Variants in WWP2 observed in about 807,000 individuals in gnomAD.
The protein encoded by WWP2 is NEDD4-like E3 ubiquitin-protein ligase WWP2.
WWP2 carries 57 observed loss-of-function variants against 121.0 expected under a neutral mutation model. That is an observed-to-expected ratio of 0.47 (90% CI 0.38 to 0.59). WWP2 has a LOEUF of 0.59. WWP2 is among the 20% of genes least tolerant of loss of function. WWP2 has a pLI of 0.00. For synonymous variants in WWP2, 449 were observed against 441.3 expected (o/e 1.02, Z -0.22); for missense variants, 962 against 1,158.9 (o/e 0.83, Z 2.47).
rs755020164 is a variant in WWP2 at position 69,925,562 on chromosome 16, C to A, written c.1234+78C>A. 58 of 1,543,086 alleles carry A rather than the reference C, an allele frequency of 3.8e-5. No individual in the cohort carries two copies. The highest frequency in any genetic ancestry group is 5.0e-5 in the Non-Finnish European group (57 of 1,133,612). On this transcript the variant is annotated intron_variant, in intron 11 of 23. Transcript: ENST00000359154. This position sits in a 1 kb window ranked among gnomAD's most constrained non-coding sequence, Gnocchi z 4.0. Reference sequence around the variant, plus strand: ...CTGTCCTCTCCTCCCGCGTGTCTTCCTTCCCTGTTCCTGTCCCTCTGTTTT... The same window carrying A: ...CTGTCCTCTCCTCCCGCGTGTCTTCATTCCCTGTTCCTGTCCCTCTGTTTT...
intron 7 of WWP2, among the ~76,000 whole-genome samples, chr16:69,877,741 A>G (rs1305648091): frequency 3.3e-5 from 5 of 152,094 alleles, no homozygotes; most frequent in Admixed American, 1.3e-4. Context: ...AGAGAGAGAG[A>G]GAGAGAACAG....
At chr16:69,810,825 G>A (rs1375467911) in intron 4 of WWP2, among the ~76,000 whole-genome samples, 3 of 149,170 alleles carry the variant, frequency 2.0e-5, no homozygotes, top group Non-Finnish European at 4.4e-5. Context: ...CACAATCTCC[G>A]CTCACTGCAA....
At chr16:69,808,239 A>G (rs182842134) in intron 4 of WWP2, among the ~76,000 whole-genome samples, 1 of 151,166 alleles carries the variant, frequency 6.6e-6, no homozygotes, top group Non-Finnish European at 1.5e-5. Context: ...GAGATTAAAG[A>G]TATATGACCT....
At chr16:69,784,036 A>G (rs2151789858) in intron 1 of WWP2, among the ~76,000 whole-genome samples, 1 of 151,522 alleles carries the variant, frequency 6.6e-6, no homozygotes, top group Admixed American at 6.6e-5. Flanking sequence ...GAGGTCTCCC[A>G]GACTCTTTTA....
At chr16:69,768,374 C>T (rs553581377) in intron 1 of WWP2, among the ~76,000 whole-genome samples, 2 of 152,174 alleles carry the variant, frequency 1.3e-5, no homozygotes, top group East Asian at 1.9e-4. Context: ...TTTAGGAGGC[C>T]GAGGTGGGTA....
At chr16:69,893,664 C>T (rs1009139165) in intron 8 of WWP2, among the ~76,000 whole-genome samples, 16 of 152,312 alleles carry the variant, frequency 1.1e-4, no homozygotes, top group Admixed American at 2.6e-4. Context: ...GCCTCAGCCT[C>T]CCAAGTAGCT....
Position 69,925,618 on chromosome 16 carries a change from G to A in WWP2, c.1234+134G>A, listed in dbSNP as rs1272025713. ...TCTCCCCTCTCCAGCACACTCTCTG[G>A]GCATGCCCCACCAGAGCAATTACAG... On this transcript the variant is annotated intron_variant, in intron 11 of 23. Transcript: ENST00000359154. This position sits in a 1 kb window ranked among gnomAD's most constrained non-coding sequence, Gnocchi z 4.0. The A allele has an allele frequency of 8.2e-7, 1 of 1,225,112 alleles. No homozygotes were observed. The highest frequency in any genetic ancestry group is 1.5e-5 in the African/African-American group (1 of 66,200). 75.9% of individuals were successfully genotyped at this position (1,225,112 alleles called of 1,614,324 possible).
intron 4 of WWP2, among the ~76,000 whole-genome samples, chr16:69,837,845 C>T (rs1057015854): frequency 6.6e-6 from 1 of 152,086 alleles, no homozygotes; most frequent in African/African-American, 2.4e-5. Context: ...CGTGATGGGT[C>T]TGTGGCTTAC....
intron 4 of WWP2, among the ~76,000 whole-genome samples, chr16:69,821,166 C>T (rs1195615812): frequency 6.6e-6 from 1 of 152,196 alleles, no homozygotes; most frequent in African/African-American, 2.4e-5. Flanking sequence ...CTCTGTGTGT[C>T]GCTTTCTATC....
At position 69,805,524 on chromosome 16, in the gene WWP2, C is replaced by T. The variant is rs575470088; in HGVS notation, c.340+6229C>T. Among the ~76,000 whole-genome samples, 3 of 151,814 alleles carry T rather than the reference C, an allele frequency of 2.0e-5. No homozygotes were observed. In the South Asian group the frequency reaches 6.2e-4, roughly 32 times the overall value. On this transcript the variant is annotated intron_variant, in intron 4 of 23. Coordinates refer to ENST00000359154, the MANE Select transcript of WWP2 (RefSeq NM_001270454.2). ...TTAGTAACCTTTTTGCTTTCTTCTT[C>T]TTTTTTTATTTTATTTTTTGGCACC...
At chr16:69,826,059 G>A (rs1171127982) in intron 4 of WWP2, among the ~76,000 whole-genome samples, 1 of 151,626 alleles carries the variant, frequency 6.6e-6, no homozygotes, top group Non-Finnish European at 1.5e-5. Flanking sequence ...CTGAGGTCAG[G>A]AGTTTGAGAC....
At chr16:69,905,353 A>C (rs775228063) in intron 8 of WWP2, among the ~76,000 whole-genome samples, 21 of 152,114 alleles carry the variant, frequency 1.4e-4, no homozygotes, top group Non-Finnish European at 2.9e-4. Context: ...TAGTGGTGCA[A>C]AATGTGTACC....
intron 10 of WWP2, among the ~76,000 whole-genome samples, chr16:69,918,678 C>A (rs1179269368): frequency 6.6e-6 from 1 of 152,194 alleles, no homozygotes; most frequent in Non-Finnish European, 1.5e-5. Context: ...CTAGAGCAGC[C>A]TCTAAATTGT....
intron 6 of WWP2, among the ~76,000 whole-genome samples, chr16:69,864,165 C>T (rs562028782): frequency 5.3e-5 from 8 of 152,098 alleles, no homozygotes; most frequent in Non-Finnish European, 7.4e-5. Context: ...CTCAGGAGTT[C>T]GATATCAGCC....
At position 69,910,034 on chromosome 16, in the gene WWP2, T is replaced by TG. The variant is rs1474847205; in HGVS notation, c.1004+1185dup. On this transcript the variant is annotated intron_variant, in intron 9 of 23. Coordinates refer to ENST00000359154, the MANE Select transcript of WWP2 (RefSeq NM_001270454.2). ...TACTTCATTGGCAGAGTTGAGTAAT[T>TG]GCAGCAGACTCTATGGCTTGCAAAA... The TG allele has an allele frequency of 3.3e-5, 5 of 153,144 alleles. No individual in the cohort carries two copies. The East Asian group carries it at 7.7e-4, about 24-fold the overall frequency. 9.5% of individuals were successfully genotyped at this position (153,144 alleles called of 1,614,324 possible). A position where few individuals can be genotyped will look rare whatever the true frequency, so the allele number is the denominator to read the frequency against.
chr16:69,893,016 A>G (rs1597120117), intron 8 of WWP2, among the ~76,000 whole-genome samples: 2 of 152,162 alleles, frequency 1.3e-5, no homozygotes, highest in African/African-American at 4.8e-5. Context: ...ATCTCTGCCT[A>G]AGCCACGATA....
At chr16:69,810,238 G>T (rs2056362914) in intron 4 of WWP2, among the ~76,000 whole-genome samples, 1 of 152,196 alleles carries the variant, frequency 6.6e-6, no homozygotes, top group Non-Finnish European at 1.5e-5. Context: ...ATGCTGTAAT[G>T]CAGGGTTTCA....
At chr16:69,880,215 A>C (rs932944922) in intron 7 of WWP2, among the ~76,000 whole-genome samples, 2 of 151,704 alleles carry the variant, frequency 1.3e-5, no homozygotes, top group Non-Finnish European at 2.9e-5. Context: ...ATTATTTTCT[A>C]TGCTGGGATC....
chr16:69,796,541 C>G (rs2056050935), intron 2 of WWP2, among the ~76,000 whole-genome samples: 1 of 152,238 alleles, frequency 6.6e-6, no homozygotes, highest in African/African-American at 2.4e-5. Flanking sequence ...TATGACTATT[C>G]TGCGAAAAGA....
Sources: gnomAD v4.1 joint callset for allele counts (sites outside exome capture counted in the v4.1 genomes callset) on GRCh38, gnomAD v4.1.1 for gene constraint, Gnocchi (gnomAD v3.1) non-coding constraint, MANE v1.5 for transcripts, NCBI Gene and HGNC (gene_info 2026-07-23, HGNC 2026-07-21) for gene names.